PRKG2: variants seen among roughly 807,000 people sequenced by gnomAD.
PRKG2 encodes cGMP-dependent protein kinase 2.
Under a neutral mutation model 97.2 loss-of-function variants are expected in PRKG2, and 33 were observed. The ratio of observed to expected loss-of-function variants is 0.34; its 90% CI spans 0.26 to 0.45. The LOEUF is 0.45. Ranked by LOEUF, PRKG2 falls within the 20% of genes least tolerant of loss-of-function variation. The pLI, the probability that PRKG2 is intolerant of heterozygous loss-of-function variation, is 1.00. For missense variants in PRKG2, 638 were observed against 900.0 expected (o/e 0.71, Z 3.73); for synonymous variants, 330 against 321.8 (o/e 1.03, Z -0.27).
chr4:81,190,889 T>C (rs571842383), intron 2 of PRKG2, among the ~76,000 whole-genome samples: 1 of 152,276 alleles, frequency 6.6e-6, no homozygotes, highest in South Asian at 2.1e-4. Flanking sequence ...TGAGATGCCA[T>C]CTCATGCCAG....
At chr4:81,144,610 A>ATATAT (rs1553923811) in intron 9 of PRKG2, among the ~76,000 whole-genome samples, 2,273 of 139,992 alleles carry the variant, frequency 0.016, 71 homozygotes, top group African/African-American at 0.063. Flanking sequence ...ATATATATAT[A>ATATAT]TTTTTTTTTT....
intron 15 of PRKG2, among the ~76,000 whole-genome samples, chr4:81,106,898 T>G (rs1253704544): frequency 1.3e-5 from 2 of 152,196 alleles, no homozygotes; most frequent in South Asian, 4.1e-4. Context: ...ATTAGGATGC[T>G]CACCATAACA....
In PRKG2 at chr4:81,142,961, G is replaced by C; in HGVS notation, c.1254-14C>G. The C allele has an allele frequency of 6.3e-7, 1 of 1,594,568 alleles. No individual in the cohort carries two copies. Among genetic ancestry groups the C allele is most frequent in the Non-Finnish European group, 8.6e-7 (1 of 1,167,232 alleles). ...GACATGGACCGCCTGTACAAGAGAA[G>C]TGAAACTTTACACACACACACCCAT... On this transcript the variant is annotated splice_polypyrimidine_tract_variant and intron_variant, in intron 10 of 18. Coordinates refer to ENST00000264399, the MANE Select transcript of PRKG2 (RefSeq NM_006259.3).
At chr4:81,182,934 T>C (rs1223328988) in intron 2 of PRKG2, among the ~76,000 whole-genome samples, 1 of 152,094 alleles carries the variant, frequency 6.6e-6, no homozygotes, top group East Asian at 1.9e-4. Context: ...AAGACTATAT[T>C]TTTAATTATG....
At chr4:81,157,882 C>T (rs1196180135) in intron 6 of PRKG2, among the ~76,000 whole-genome samples, 1 of 146,766 alleles carries the variant, frequency 6.8e-6, no homozygotes, top group Non-Finnish European at 1.5e-5. Context: ...TTCAACAACG[C>T]TTCACGCTAA....
At chr4:81,188,088 C>A (rs1205510058) in intron 2 of PRKG2, among the ~76,000 whole-genome samples, 3 of 152,120 alleles carry the variant, frequency 2.0e-5, no homozygotes, top group African/African-American at 7.2e-5. Context: ...AACAGGCAAC[C>A]TACAAAATGG....
chr4:81,134,485 G>A (rs1440085204), intron 14 of PRKG2, among the ~76,000 whole-genome samples: 1 of 152,118 alleles, frequency 6.6e-6, no homozygotes, highest in African/African-American at 2.4e-5. Flanking sequence ...TCCTTCCCGA[G>A]GCCCAAGGCG....
chr4:81,099,243 C>T (rs1431687308), intron 17 of PRKG2, among the ~76,000 whole-genome samples: 2 of 152,090 alleles, frequency 1.3e-5, no homozygotes, highest in African/African-American at 4.8e-5. Context: ...CAAAGCCTGG[C>T]AGAGACACAA....
chr4:81,097,665 T>C (rs1358808129), intron 17 of PRKG2, among the ~76,000 whole-genome samples: 1 of 152,216 alleles, frequency 6.6e-6, no homozygotes, highest in Non-Finnish European at 1.5e-5. Context: ...TCAGTGATCT[T>C]AGCTGAATCT....
intron 1 of PRKG2, among the ~76,000 whole-genome samples, chr4:81,206,306 C>A (rs1023312401): frequency 1.4e-4 from 22 of 152,168 alleles, no homozygotes; most frequent in African/African-American, 5.1e-4. Context: ...AACTGTAGCT[C>A]CCATAAATCC....
chr4:81,116,130 T>C (rs192342900), intron 14 of PRKG2, among the ~76,000 whole-genome samples: 1 of 152,266 alleles, frequency 6.6e-6, no homozygotes, highest in Admixed American at 6.5e-5. Context: ...TATCTCATCA[T>C]CCAGGTAATA....
chr4:81,099,702 G>T (rs1343632807), intron 17 of PRKG2, among the ~76,000 whole-genome samples: 1 of 152,088 alleles, frequency 6.6e-6, no homozygotes, highest in African/African-American at 2.4e-5. Flanking sequence ...AGTGTTGGAA[G>T]TTCTGGCCAG....
intron 2 of PRKG2, among the ~76,000 whole-genome samples, chr4:81,196,553 TTCTC>T (rs1396118800): frequency 3.9e-5 from 6 of 152,162 alleles, no homozygotes; most frequent in Non-Finnish European, 7.4e-5. Context: ...AGGTCTTTCT[TTCTC>T]TCATATTTCC....
At chr4:81,162,422 A>G (rs1749655403) in intron 6 of PRKG2, among the ~76,000 whole-genome samples, 1 of 152,114 alleles carries the variant, frequency 6.6e-6, no homozygotes, top group Admixed American at 6.6e-5. Flanking sequence ...GCTTTCATGC[A>G]TGTGTCTTTA....
chr4:81,153,731 TGAGA>T lies in PRKG2; in HGVS notation c.913-14_913-11del. The T allele has an allele frequency of 6.3e-7, 1 of 1,587,810 alleles. No individual in the cohort carries two copies. The highest frequency in any genetic ancestry group is 8.6e-7 in the Non-Finnish European group (1 of 1,156,576). On this transcript the variant is annotated splice_polypyrimidine_tract_variant and intron_variant, in intron 6 of 18. Coordinates refer to ENST00000264399, the MANE Select transcript of PRKG2 (RefSeq NM_006259.3). ...CTTTGTCATAGTATTCCTGTTGGGATGAGAGAGAAAGAAAATGTAAGAGCGGGTG... is the reference window on the plus strand; with the variant it reads ...CTTTGTCATAGTATTCCTGTTGGGATGAGAAAGAAAATGTAAGAGCGGGTG...
intron 6 of PRKG2, among the ~76,000 whole-genome samples, chr4:81,162,433 T>C (rs1749656521): frequency 6.6e-6 from 1 of 152,144 alleles, no homozygotes; most frequent in African/African-American, 2.4e-5. Flanking sequence ...TGTGTCTTTA[T>C]ACTTTTTCCC....
chr4:81,097,735 G>A (rs1742274549), intron 17 of PRKG2, among the ~76,000 whole-genome samples: 1 of 152,122 alleles, frequency 6.6e-6, no homozygotes, highest in South Asian at 2.1e-4. Context: ...GCCCTTTTAA[G>A]TTATGGAGAT....
chr4:81,217,395 C>T (rs1560637370), upstream of PRKG2, among the ~76,000 whole-genome samples: 5 of 152,112 alleles, frequency 3.3e-5, no homozygotes, highest in African/African-American at 9.7e-5. Context: ...GGTCACCCAG[C>T]TAGGAAGAGT....
At chr4:81,199,857 C>T (rs182894209) in intron 2 of PRKG2, among the ~76,000 whole-genome samples, 243 of 152,308 alleles carry the variant, frequency 1.6e-3, no homozygotes, top group African/African-American at 5.5e-3. Flanking sequence ...ACCTATTCTG[C>T]TCCTGTGGTG....
Sources: gnomAD v4.1 joint callset for allele counts (sites outside exome capture counted in the v4.1 genomes callset) on GRCh38, gnomAD v4.1.1 for gene constraint, MANE v1.5 for transcripts, NCBI Gene and HGNC (gene_info 2026-07-23, HGNC 2026-07-21) for gene names.